The following CCR6 variants were observed in gnomAD, a reference collection of about 807,000 sequenced individuals.
The protein encoded by CCR6 is C-C motif chemokine receptor 6.
A neutral mutation model predicts 3.0 loss-of-function variants in CCR6; 2 were observed. The ratio of observed to expected loss-of-function variants is 0.66; its 90% CI spans 0.27 to 2.07. CCR6 has a LOEUF of 2.07. Ranked by LOEUF, CCR6 falls within the 30% of genes most tolerant of loss-of-function variation. CCR6 has a pLI of 0.14. For synonymous variants in CCR6, 193 were observed against 184.3 expected (o/e 1.05, Z -0.38); for missense variants, 322 against 462.8 (o/e 0.70, Z 2.79).
At chr6:167,117,566 G>A (rs180997258) in intron 1 of CCR6, among the ~76,000 whole-genome samples, 11 of 151,494 alleles carry the variant, frequency 7.3e-5, no homozygotes, top group South Asian at 6.3e-4. Context: ...ACAGGCGCGC[G>A]CCACCACGCC....
intron 1 of CCR6, among the ~76,000 whole-genome samples, chr6:167,132,784 G>A (rs41359447): frequency 0.018 from 2,780 of 152,258 alleles, 85 homozygotes; most frequent in African/African-American, 0.063. Flanking sequence ...TAAGTGGTCC[G>A]TCTGCCTCGG....
chr6:167,134,319 C>G (rs1465929766), intron 1 of CCR6, among the ~76,000 whole-genome samples: 1 of 152,134 alleles, frequency 6.6e-6, no homozygotes, highest in Non-Finnish European at 1.5e-5. Flanking sequence ...TTTTGCAACA[C>G]AGGGGTCTAT....
chr6:167,122,840 A>T (rs1781608911), upstream of CCR6: 1 of 152,328 alleles, frequency 6.6e-6, no homozygotes, highest in Admixed American at 6.5e-5. This position sits in a 1 kb window ranked among gnomAD's most constrained non-coding sequence, Gnocchi z 4.2. Context: ...CAGGTAAAGG[A>T]GTATGAAAGT....
chr6:167,134,771 T>C (rs3093013), intron 1 of CCR6, among the ~76,000 whole-genome samples: 2,909 of 152,272 alleles, frequency 0.019, 99 homozygotes, highest in African/African-American at 0.065. Flanking sequence ...AGGAGGAAGA[T>C]GGGCGATTGG....
chr6:167,114,683 G>A (rs1006344216), intron 1 of CCR6, among the ~76,000 whole-genome samples: 6 of 152,194 alleles, frequency 3.9e-5, no homozygotes, highest in Admixed American at 2.0e-4. Flanking sequence ...TGACGTCACC[G>A]TGCACACGTC....
chr6:167,127,422 A>C (rs373707394), intron 1 of CCR6: 1 of 152,260 alleles, frequency 6.6e-6, no homozygotes, highest in Admixed American at 6.5e-5. Flanking sequence ...ATGTCTTAAT[A>C]TACTAGCCAC....
chr6:167,137,243 G>A lies in CCR6; in HGVS notation c.1013G>A (p.Arg338Lys). The A allele has an allele frequency of 6.2e-7, 1 of 1,614,182 alleles. No individual in the cohort carries two copies. The highest frequency in any genetic ancestry group is 8.5e-7 in the Non-Finnish European group (1 of 1,180,036). The change falls in exon 3 of 3, where the codon AGA (arginine) becomes AAA (lysine). Residue 338 changes from arginine (R) to lysine (K), a missense_variant. Coordinates refer to ENST00000341935, the MANE Select transcript of CCR6 (RefSeq NM_031409.4). The surrounding 1 kb of genome is among the most constrained non-coding windows in gnomAD (Gnocchi z 4.6). ...LKILKDLWCVRRKYKSSGFSC... is the reference protein window; with the variant it reads ...LKILKDLWCVKRKYKSSGFSC... ...ATCTTGAAGGACCTGTGGTGTGTGA[G>A]AAGGAAGTACAAGTCCTCAGGCTTC...
intron 1 of CCR6, among the ~76,000 whole-genome samples, chr6:167,112,996 A>C (rs532899434): frequency 6.6e-6 from 1 of 151,884 alleles, no homozygotes; most frequent in Admixed American, 6.6e-5. Flanking sequence ...GTCATTTAAC[A>C]ATACTGCGAT....
chr6:167,121,303 T>G (rs1009856223), upstream of CCR6, among the ~76,000 whole-genome samples: 1 of 152,274 alleles, frequency 6.6e-6, no homozygotes, highest in Non-Finnish European at 1.5e-5. Context: ...TCTGCTTAAT[T>G]AATGTTCATT....
chr6:167,132,263 A>G (rs1011550043), intron 1 of CCR6, among the ~76,000 whole-genome samples: 3 of 152,084 alleles, frequency 2.0e-5, no homozygotes, highest in Non-Finnish European at 2.9e-5. Flanking sequence ...TCAGTTTGGG[A>G]CGGTTAAGAA....
At chr6:167,128,298 A>G (rs1245695799) in intron 1 of CCR6, among the ~76,000 whole-genome samples, 9 of 152,242 alleles carry the variant, frequency 5.9e-5, no homozygotes, top group Non-Finnish European at 1.0e-4. Flanking sequence ...CACAAGCGTG[A>G]CATGGGGCCA....
rs778723367 is a variant in CCR6 at position 167,137,056 on chromosome 6, G to A, written c.826G>A (p.Val276Met). ...CQIPHNMVLL[V>M]TAANLGKMNR... ...GATTCCTCATAACATGGTCCTGCTTGTGACGGCTGCAAATTTGGGTAAAAT... is the reference window on the plus strand; with the variant it reads ...GATTCCTCATAACATGGTCCTGCTTATGACGGCTGCAAATTTGGGTAAAAT... The change falls in exon 3 of 3, where the codon GTG becomes ATG. Residue 276 changes from valine (V) to methionine (M), a missense_variant. By Grantham distance (21) the Val-to-Met change is conservative (BLOSUM62 1). Coordinates refer to ENST00000341935, the MANE Select transcript of CCR6 (RefSeq NM_031409.4). This position sits in a 1 kb window ranked among gnomAD's most constrained non-coding sequence, Gnocchi z 4.6. 2 of 1,614,152 alleles carry A rather than the reference G, an allele frequency of 1.2e-6. No homozygotes were observed. Among genetic ancestry groups the A allele is most frequent in the South Asian group, 1.1e-5 (1 of 91,066 alleles).
In CCR6 at chr6:167,136,129, C is replaced by A. The variant is rs201769708; in HGVS notation, c.-6C>A. 1.2e-6 allele frequency: 2 copies of A among 1,613,318 alleles called. No individual in the cohort carries two copies. The highest frequency in any genetic ancestry group is 4.5e-5 in the East Asian group (2 of 44,876). ...CTACAACCAGCTTGCATTTTTTCTGCCCACAATGAGCGGGGTAAGATTTTT... is the reference window on the plus strand; with the variant it reads ...CTACAACCAGCTTGCATTTTTTCTGACCACAATGAGCGGGGTAAGATTTTT... On this transcript the variant is annotated 5_prime_UTR_variant, in exon 2 of 3. Coordinates refer to ENST00000341935, the MANE Select transcript of CCR6 (RefSeq NM_031409.4). The surrounding 1 kb of genome is among the most constrained non-coding windows in gnomAD (Gnocchi z 4.6).
At chr6:167,135,348 C>G (rs1303398006) in intron 1 of CCR6, among the ~76,000 whole-genome samples, 1 of 152,228 alleles carries the variant, frequency 6.6e-6, no homozygotes, top group Non-Finnish European at 1.5e-5. Flanking sequence ...GCCTCTGCCA[C>G]AGCAGATTCA....
chr6:167,123,810 A>G (rs1251521640), intron 1 of CCR6, among the ~76,000 whole-genome samples: 1 of 152,162 alleles, frequency 6.6e-6, no homozygotes, highest in East Asian at 1.9e-4. Flanking sequence ...AATAATACAC[A>G]ATGATATTAA....
upstream of CCR6, among the ~76,000 whole-genome samples, chr6:167,121,226 T>C (rs922661168): frequency 6.6e-6 from 1 of 152,266 alleles, no homozygotes; most frequent in Non-Finnish European, 1.5e-5. Context: ...GGGGGTGTCA[T>C]TGGGCCTCCT....
At position 167,136,699 on chromosome 6, in the gene CCR6, C is replaced by G; in HGVS notation, c.469C>G (p.Arg157Gly). 2 of 1,614,122 alleles carry G rather than the reference C, an allele frequency of 1.2e-6. No homozygotes were observed. Among genetic ancestry groups the G allele is most frequent in the Non-Finnish European group, 1.7e-6 (2 of 1,180,032 alleles). Reference sequence around the variant, plus strand: ...ACAGGCGACTAAGTCATTCCGGCTCCGATCCAGAACACTACCGCGCAGCAA... The same window carrying G: ...ACAGGCGACTAAGTCATTCCGGCTCGGATCCAGAACACTACCGCGCAGCAA... ...IVQATKSFRL[R>G]SRTLPRSKII... Residue 157 changes from arginine to glycine, a missense_variant, in exon 3 of 3, where the codon CGA (arginine) becomes GGA (glycine). Coordinates refer to ENST00000341935, the MANE Select transcript of CCR6 (RefSeq NM_031409.4). This position sits in a 1 kb window ranked among gnomAD's most constrained non-coding sequence, Gnocchi z 4.6.
chr6:167,124,795 G>GCA (rs111889405), intron 1 of CCR6, among the ~76,000 whole-genome samples: 2,716 of 91,168 alleles, frequency 0.03, 39 homozygotes, highest in Non-Finnish European at 0.042. Flanking sequence ...TACAGCATAT[G>GCA]CGCGCACACA....
chr6:167,125,059 ATGCACAC>A (rs1402703829), intron 1 of CCR6, among the ~76,000 whole-genome samples: 1 of 151,966 alleles, frequency 6.6e-6, no homozygotes, highest in East Asian at 1.9e-4. Context: ...ATGCAGGCAT[ATGCACAC>A]TGCACACATG....
Sources: gnomAD v4.1 joint callset for allele counts (sites outside exome capture counted in the v4.1 genomes callset) on GRCh38, gnomAD v4.1.1 for gene constraint, Gnocchi (gnomAD v3.1) non-coding constraint, MANE v1.5 for transcripts, NCBI Gene and HGNC (gene_info 2026-07-23, HGNC 2026-07-21) for gene names.